The following TRPC7 variants were observed in gnomAD, a reference collection of about 807,000 sequenced individuals.
TRPC7 encodes transient receptor potential cation channel subfamily C member 7, also known as short transient receptor potential channel 7.
A neutral mutation model predicts 90.1 loss-of-function variants in TRPC7; 42 were observed. That is an observed-to-expected ratio of 0.47 (90% confidence interval 0.36 to 0.60). The LOEUF (loss-of-function observed/expected upper bound fraction) is 0.60, where lower values mean the gene tolerates loss of function less well. Ranked by LOEUF, TRPC7 falls within the 20% of genes least tolerant of loss-of-function variation. The pLI, the probability that TRPC7 is intolerant of heterozygous loss-of-function variation, is 0.00. For synonymous variants in TRPC7, 451 were observed against 436.3 expected, an observed-to-expected ratio of 1.03 and a Z score of -0.42; for missense variants, 955 against 1,112.3, an observed-to-expected ratio of 0.86 and a Z score of 2.01.
intron 10 of TRPC7, among the ~76,000 whole-genome samples, chr5:136,217,915 G>T (rs1040299327): frequency 2.0e-5 from 3 of 151,124 alleles, no homozygotes. Context: ...TACTCGTGAG[G>T]CTGAGGCAGA....
At chr5:136,220,256 C>A (rs552884244) in intron 10 of TRPC7, among the ~76,000 whole-genome samples, 16 of 152,308 alleles carry the variant, frequency 1.1e-4, no homozygotes, top group Admixed American at 9.2e-4. Context: ...TAAGGTCTGA[C>A]TACCTGCGTG....
chr5:136,276,360 C>T (rs1324736491), intron 3 of TRPC7, among the ~76,000 whole-genome samples: 3 of 152,098 alleles, frequency 2.0e-5, no homozygotes, highest in African/African-American at 4.8e-5. Context: ...CAACTGAGTA[C>T]CCTGGAACGT....
intron 11 of TRPC7, among the ~76,000 whole-genome samples, chr5:136,214,584 C>T (rs527921041): frequency 6.6e-6 from 1 of 152,312 alleles, no homozygotes; most frequent in South Asian, 2.1e-4. Context: ...CTTCTATGAT[C>T]AGTGATATTC....
chr5:136,348,435 G>A (rs1760080519), intron 2 of TRPC7, among the ~76,000 whole-genome samples: 1 of 151,970 alleles, frequency 6.6e-6, no homozygotes, highest in African/African-American at 2.4e-5. Context: ...ATTCCATTGG[G>A]TTTCATTTTA....
chr5:136,354,127 T>C (rs1200550580), intron 2 of TRPC7, among the ~76,000 whole-genome samples: 9 of 152,232 alleles, frequency 5.9e-5, no homozygotes, highest in Non-Finnish European at 1.3e-4. Flanking sequence ...AATATCTGAA[T>C]TAATTGGTTT....
chr5:136,321,658 G>A (rs1291386534), intron 2 of TRPC7, among the ~76,000 whole-genome samples: 1 of 152,092 alleles, frequency 6.6e-6, no homozygotes, highest in Non-Finnish European at 1.5e-5. Flanking sequence ...TGCCATTTGT[G>A]GTTTATAATT....
chr5:136,294,204 G>A (rs1170794292), intron 3 of TRPC7, among the ~76,000 whole-genome samples: 3 of 152,090 alleles, frequency 2.0e-5, no homozygotes, highest in East Asian at 3.9e-4. Context: ...GAAAACCAAG[G>A]CAATACCATT....
At chr5:136,335,511 C>T (rs1004895269) in intron 2 of TRPC7, among the ~76,000 whole-genome samples, 2 of 151,970 alleles carry the variant, frequency 1.3e-5, no homozygotes, top group African/African-American at 4.8e-5. Flanking sequence ...TAATTTAAGT[C>T]CTTATCATTT....
In TRPC7 at chr5:136,357,124, G is replaced by C; in HGVS notation, c.264C>G (p.Asn88Lys). 1 of 1,614,096 alleles carries C rather than the reference G, an allele frequency of 6.2e-7. No homozygotes were observed. The highest frequency in any genetic ancestry group is 2.2e-5 in the East Asian group (1 of 44,872). ...GQNALQLAVG[N>K]EHLEVTELLL... ...GCAGCTCCGTGACCTCTAGGTGCTC[G>C]TTGCCCACGGCCAGCTGCAGAGCGT... The change falls in exon 2 of 12, where the codon AAC becomes AAG. Residue 88 changes from asparagine (N) to lysine (K), a missense_variant. Around this residue, in one of 4 missense-constraint regions of TRPC7, gnomAD observed 161 missense variants for 145.7 expected, o/e 1.10. Transcript: ENST00000513104.
chr5:136,337,581 A>G (rs1759707495), intron 2 of TRPC7, among the ~76,000 whole-genome samples: 1 of 151,576 alleles, frequency 6.6e-6, no homozygotes, highest in African/African-American at 2.4e-5. Flanking sequence ...CAGGAGAATC[A>G]CTTGAACCTG....
At chr5:136,267,748 T>TA (rs1757080501) in intron 4 of TRPC7, among the ~76,000 whole-genome samples, 1 of 152,262 alleles carries the variant, frequency 6.6e-6, no homozygotes, top group Admixed American at 6.5e-5. Flanking sequence ...TATTAGTTTT[T>TA]ATCTTTTTTA....
At chr5:136,284,076 A>G (rs1757632948) in intron 3 of TRPC7, among the ~76,000 whole-genome samples, 1 of 152,214 alleles carries the variant, frequency 6.6e-6, no homozygotes, top group Non-Finnish European at 1.5e-5. Flanking sequence ...TGCTGTCTGC[A>G]CTTATCCAAG....
chr5:136,304,496 A>C (rs1419419265), intron 3 of TRPC7, among the ~76,000 whole-genome samples: 1 of 152,130 alleles, frequency 6.6e-6, no homozygotes, highest in Non-Finnish European at 1.5e-5. Context: ...CCGTGGTGCC[A>C]AACCCATATA....
intron 8 of TRPC7, among the ~76,000 whole-genome samples, chr5:136,226,828 A>G (rs1755646492): frequency 6.6e-6 from 1 of 152,266 alleles, no homozygotes; most frequent in African/African-American, 2.4e-5. Context: ...ACATGTAAGC[A>G]TTATAAAACA....
At chr5:136,350,399 C>A (rs769946462) in intron 2 of TRPC7, among the ~76,000 whole-genome samples, 2 of 152,150 alleles carry the variant, frequency 1.3e-5, no homozygotes, top group Non-Finnish European at 2.9e-5. Flanking sequence ...ATAACTGTCA[C>A]CCAGAGCATA....
At chr5:136,256,355 C>T (rs1430794918) in intron 5 of TRPC7, among the ~76,000 whole-genome samples, 2 of 152,138 alleles carry the variant, frequency 1.3e-5, no homozygotes, top group Non-Finnish European at 2.9e-5. Context: ...AAACTTTGTC[C>T]TTCATTTCCT....
intron 10 of TRPC7, among the ~76,000 whole-genome samples, chr5:136,219,829 C>A (rs1411510610): frequency 6.6e-6 from 1 of 152,192 alleles, no homozygotes; most frequent in Non-Finnish European, 1.5e-5. Context: ...GTGCATGCTG[C>A]ACAACTTGGT....
chr5:136,282,379 T>C (rs1339557462), intron 3 of TRPC7, among the ~76,000 whole-genome samples: 1 of 152,224 alleles, frequency 6.6e-6, no homozygotes, highest in Non-Finnish European at 1.5e-5. Context: ...TTCAGAGAAA[T>C]GCGAATATAA....
At chr5:136,335,835 C>T (rs961033533) in intron 2 of TRPC7, among the ~76,000 whole-genome samples, 11 of 129,706 alleles carry the variant, frequency 8.5e-5, no homozygotes, top group South Asian at 2.7e-4. Flanking sequence ...ACCCGGGAGG[C>T]GGAGCTTGCA....
Sources: gnomAD v4.1 joint callset for allele counts (sites outside exome capture counted in the v4.1 genomes callset) on GRCh38, gnomAD v4.1.1 for gene constraint, gnomAD v4.1.1 regional missense constraint, MANE v1.5 for transcripts, NCBI Gene and HGNC (gene_info 2026-07-23, HGNC 2026-07-21) for gene names.